Variants in SYNE2 observed in about 807,000 individuals in gnomAD.
The protein encoded by SYNE2 is spectrin repeat containing nuclear envelope protein 2, also known as nesprin-2.
In SYNE2, 431 loss-of-function variants were observed where a neutral mutation model predicts 856.3. The ratio of observed to expected loss-of-function variants is 0.50; its 90% CI spans 0.47 to 0.55. The LOEUF (loss-of-function observed/expected upper bound fraction) is 0.55, where lower values mean the gene tolerates loss of function less well. Among genes scored for constraint, SYNE2 ranks in the 20% least tolerant of loss-of-function variants. The pLI, the probability that SYNE2 is intolerant of heterozygous loss-of-function variation, is 0.00. For missense variants in SYNE2, 8,129 were observed against 8,023.2 expected, an observed-to-expected ratio of 1.01 and a Z score of -0.50; for synonymous variants, 2,923 against 2,872.3, an observed-to-expected ratio of 1.02 and a Z score of -0.56.
chr14:64,006,377 C>T (rs896082566), intron 30 of SYNE2, among the ~76,000 whole-genome samples: 22 of 152,070 alleles, frequency 1.4e-4, no homozygotes, highest in Admixed American at 5.2e-4. Flanking sequence ...TCTCCTATAT[C>T]ATGCTGTCTT....
rs372918177 is a variant in SYNE2, at chr14:64,071,887, G to A, written c.10697+977G>A. On this transcript the variant is annotated intron_variant, in intron 52 of 115. Coordinates refer to ENST00000555002, the MANE Select transcript of SYNE2 (RefSeq NM_182914.3). ...CAAAAAATTAGCCGGGCATGGTGGC[G>A]CACGCCTATAATCCCAGCTACTCAG... 1.3e-3 allele frequency among the ~76,000 whole-genome samples: 202 copies of A among 151,820 alleles called. 2 individuals carry two copies. The highest frequency in any genetic ancestry group is 4.3e-3 in the African/African-American group (180 of 41,422).
At position 64,188,704 on chromosome 14, in the gene SYNE2, A is replaced by C; in HGVS notation, c.17867A>C (p.Gln5956Pro). Residue 5956 changes from glutamine to proline, a missense_variant, in exon 98 of 116, where the codon CAG becomes CCG. By Grantham distance (76) the Gln-to-Pro change is moderately conservative (BLOSUM62 -1). This residue lies in a region of SYNE2 where 5,410 missense variants were observed against 5,284.8 expected (regional missense o/e 1.02). Transcript: ENST00000555002. ...ISIEEMIEKL[Q>P]KDCMEEINLF... Reference sequence around the variant, plus strand: ...ATTGAAGAAATGATTGAAAAGTTACAGAAGGTAAGGGAGGACACCCAGGTG... The same window carrying C: ...ATTGAAGAAATGATTGAAAAGTTACCGAAGGTAAGGGAGGACACCCAGGTG... The C allele has an allele frequency of 6.2e-7, 1 of 1,614,160 alleles. No individual in the cohort carries two copies.
intron 2 of SYNE2, among the ~76,000 whole-genome samples, chr14:63,930,578 G>T (rs1278957691): frequency 6.7e-6 from 1 of 149,516 alleles, no homozygotes; most frequent in Non-Finnish European, 1.5e-5. Context: ...CTCCTGCCCA[G>T]GCTGGAGCGT....
In SYNE2 at chr14:64,068,860, T is replaced by C. The variant is rs1418571742; in HGVS notation, c.10432-1785T>C. Among the ~76,000 whole-genome samples the C allele has an allele frequency of 3.4e-4, 11 of 32,316 alleles. No individual in the cohort carries two copies. In the South Asian group the frequency reaches 0.01, roughly 30 times the overall value. The allele number at this position is 32,316 out of a possible 152,430, so 21.2% of individuals were successfully genotyped here. ...CTGGGTGACAGAGAGAGACTCCGTC[T>C]CAAAAAAAAAAAAAAAAAAAAAAAG... On this transcript the variant is annotated intron_variant, in intron 51 of 115. Transcript: ENST00000555002.
chr14:64,073,807 G>A (rs940278945), intron 52 of SYNE2, among the ~76,000 whole-genome samples, 161 bp from the exon 53 acceptor site: 2 of 152,092 alleles, frequency 1.3e-5, no homozygotes, highest in African/African-American at 4.8e-5. Context: ...TTTTATATGT[G>A]GTACATCCAT....
chr14:64,209,357 G>T, intron 101 of SYNE2, 71 bp from the exon 102 acceptor site: 1 of 1,612,726 alleles, frequency 6.2e-7, no homozygotes, highest in Non-Finnish European at 8.5e-7. Flanking sequence ...GCGGGTGTCA[G>T]GGGATAAAAG....
chr14:64,178,587 T>C (rs1247208561), intron 96 of SYNE2, among the ~76,000 whole-genome samples: 3 of 151,962 alleles, frequency 2.0e-5, no homozygotes. Flanking sequence ...CCCCCCCGAG[T>C]AGCCCAGAGT....
intron 19 of SYNE2, among the ~76,000 whole-genome samples, chr14:63,986,919 G>T (rs998833082): frequency 6.6e-6 from 1 of 152,136 alleles, no homozygotes; most frequent in African/African-American, 2.4e-5. Context: ...AGACGAGTGA[G>T]TTCAGTCTCA....
intron 85 of SYNE2, among the ~76,000 whole-genome samples, chr14:64,158,423 T>C (rs1326798832): frequency 6.6e-6 from 1 of 152,230 alleles, no homozygotes; most frequent in East Asian, 1.9e-4. Context: ...ATCTTTGGGC[T>C]CTTTTTCATT....
chr14:63,793,864 A>G (rs758153575), intron 1 of SYNE2, among the ~76,000 whole-genome samples: 1 of 151,918 alleles, frequency 6.6e-6, no homozygotes, highest in Non-Finnish European at 1.5e-5. Context: ...ACTTGAGCCC[A>G]GGAGTTCAAA....
chr14:64,065,651 G>A lies in SYNE2; in HGVS notation c.10431+1G>A, dbSNP rs2153592887. ...GGAATGGAAATTTGTCAGTGAAGAA[G>A]TGAGTGCTTCATTTTCAACAAACCA... On this transcript the variant is annotated splice_donor_variant, in intron 51 of 115. Coordinates refer to ENST00000555002, the MANE Select transcript of SYNE2 (RefSeq NM_182914.3). LOFTEE classifies it high-confidence loss of function. The A allele has an allele frequency of 6.2e-7, 1 of 1,614,018 alleles. No individual in the cohort carries two copies. The highest frequency in any genetic ancestry group is 2.2e-5 in the East Asian group (1 of 44,882).
chr14:63,996,405 AC>A (rs1195253541), intron 23 of SYNE2, among the ~76,000 whole-genome samples: 1 of 151,520 alleles, frequency 6.6e-6, no homozygotes, highest in Non-Finnish European at 1.5e-5. Context: ...AGTTCCCCAT[AC>A]CCCCAGGACA....
intron 99 of SYNE2, among the ~76,000 whole-genome samples, chr14:64,192,082 ATTGAGTGGAAGATGATT>A (rs2098521337): frequency 6.6e-6 from 1 of 152,148 alleles, no homozygotes; most frequent in African/African-American, 2.4e-5. Context: ...TCGTGTGTTT[ATTGAGTGGAAGATGATT>A]CTGTTGGTTA....
chr14:64,175,219 G>A, intron 95 of SYNE2, 81 bp downstream of exon 95: 2 of 1,525,208 alleles, frequency 1.3e-6, no homozygotes, highest in South Asian at 2.3e-5. Flanking sequence ...AAATGGAAAT[G>A]GTTTTAGGAA....
intron 103 of SYNE2, among the ~76,000 whole-genome samples, chr14:64,211,727 C>T (rs763120259): frequency 1.3e-5 from 2 of 152,206 alleles, no homozygotes; most frequent in Non-Finnish European, 2.9e-5. Flanking sequence ...GACTTGCCAG[C>T]GTAGAAGCTG....
intron 8 of SYNE2, among the ~76,000 whole-genome samples, chr14:63,957,960 C>T (rs1023205086): frequency 3.3e-5 from 5 of 151,848 alleles, no homozygotes; most frequent in African/African-American, 9.7e-5. Flanking sequence ...GAGAATCGCT[C>T]GAACCCGGGA....
chr14:63,864,867 G>T (rs923585738), intron 1 of SYNE2, among the ~76,000 whole-genome samples: 4 of 152,080 alleles, frequency 2.6e-5, no homozygotes, highest in African/African-American at 4.8e-5. Flanking sequence ...TGATTTCCTG[G>T]GGTGTTGATC....
chr14:64,021,655 C>T, intron 36 of SYNE2, 140 bp downstream of exon 36: 1 of 1,190,102 alleles, frequency 8.4e-7, no homozygotes, highest in Non-Finnish European at 1.2e-6. Flanking sequence ...GTATATTTAG[C>T]ATTTTCATCT....
At chr14:64,117,690 T>C (rs1433008043) in intron 66 of SYNE2, among the ~76,000 whole-genome samples, 1 of 152,224 alleles carries the variant, frequency 6.6e-6, no homozygotes, top group African/African-American at 2.4e-5. Context: ...AGAGTTCAAC[T>C]GTGACCCATC....
Sources: gnomAD v4.1 joint callset for allele counts (sites outside exome capture counted in the v4.1 genomes callset) on GRCh38, gnomAD v4.1.1 for gene constraint, gnomAD v4.1.1 regional missense constraint, MANE v1.5 for transcripts, NCBI Gene and HGNC (gene_info 2026-07-23, HGNC 2026-07-21) for gene names.